The following ZBTB44 variants were observed in gnomAD, a reference collection of about 807,000 sequenced individuals.
The protein encoded by ZBTB44 is zinc finger and BTB domain containing 44, also known as zinc finger and BTB domain-containing protein 44.
A neutral mutation model predicts 54.0 loss-of-function variants in ZBTB44; 15 were observed. That is an observed-to-expected ratio of 0.28 (90% CI 0.19 to 0.43). ZBTB44 has a LOEUF of 0.43. Ranked by LOEUF, ZBTB44 falls within the 20% of genes least tolerant of loss-of-function variation. ZBTB44 has a pLI of 1.00. For synonymous variants in ZBTB44, 230 were observed against 250.1 expected, an observed-to-expected ratio of 0.92 and a Z score of 0.76; for missense variants, 487 against 707.1, an observed-to-expected ratio of 0.69 and a Z score of 3.53.
intron 1 of ZBTB44, among the ~76,000 whole-genome samples, chr11:130,299,837 G>A (rs1941895667): frequency 6.6e-6 from 1 of 152,148 alleles, no homozygotes; most frequent in African/African-American, 2.4e-5. Context: ...GTGAAAGCAA[G>A]GACACACCAG....
intron 1 of ZBTB44, among the ~76,000 whole-genome samples, chr11:130,276,053 C>T (rs904398477): frequency 6.6e-6 from 1 of 151,110 alleles, no homozygotes; most frequent in Non-Finnish European, 1.5e-5. Context: ...CGGTGAAACC[C>T]CGTCTCTACT....
rs1385858136 is a variant in ZBTB44 at position 130,261,259 on chromosome 11, G to A, written c.615C>T (p.Pro205=). The A allele has an allele frequency of 3.7e-6, 6 of 1,613,868 alleles. No individual in the cohort carries two copies. Among genetic ancestry groups the A allele is most frequent in the Middle Eastern group, 1.6e-4 (1 of 6,062 alleles). ...PVKCGTQTSS[P]QVLNSSASYS... ...AGGAAGCTGAAGAATTCAATACCTG[G>A]GGTGAGCTTGTTTGTGTGCCACACT... is the stretch of plus-strand genomic sequence containing the variant. Residue 205 remains proline (P), a synonymous_variant, in exon 2 of 8, where the codon CCC becomes CCT. Transcript: ENST00000357899. This position sits in a 1 kb window ranked among gnomAD's most constrained non-coding sequence, Gnocchi z 4.8.
chr11:130,237,014 A>G lies in ZBTB44; in HGVS notation c.1347T>C (p.His449=), dbSNP rs1297517546. 6.2e-7 allele frequency: 1 copy of G among 1,611,930 alleles called. No homozygotes were observed. The highest frequency in any genetic ancestry group is 8.5e-7 in the Non-Finnish European group (1 of 1,179,062). The change falls in exon 5 of 8, where the codon CAT becomes CAC. Residue 449 remains histidine, a synonymous_variant. Coordinates refer to ENST00000357899, the MANE Select transcript of ZBTB44 (RefSeq NM_001301098.2). ...AYSLKMHRLK[H]EGKRCFRCQI... ...GGCACCGGAAACAGCGTTTACCTTCATGCTTTAGGCGATGCATCTTTAGCG... is the reference window on the plus strand; with the variant it reads ...GGCACCGGAAACAGCGTTTACCTTCGTGCTTTAGGCGATGCATCTTTAGCG...
At chr11:130,236,009 G>A (rs1038026750) in intron 5 of ZBTB44, 1 of 876,658 alleles carries the variant, frequency 1.1e-6, no homozygotes, top group Middle Eastern at 4.3e-4. Context: ...TTCATTTTAT[G>A]AGAAACTAAG....
intron 6 of ZBTB44, 154 bp downstream of exon 6, chr11:130,234,002 T>G: frequency 3.3e-6 from 5 of 1,511,546 alleles, no homozygotes; most frequent in Non-Finnish European, 4.4e-6. Flanking sequence ...TACTCAATAG[T>G]TATAGAAGAC....
At chr11:130,254,929 A>C (rs1437376031) in intron 2 of ZBTB44, among the ~76,000 whole-genome samples, 1 of 152,138 alleles carries the variant, frequency 6.6e-6, no homozygotes, top group Non-Finnish European at 1.5e-5. Flanking sequence ...TTGCAGGGAC[A>C]TGGATGAAGC....
chr11:130,251,719 C>T (rs571808701), intron 2 of ZBTB44, among the ~76,000 whole-genome samples: 1 of 152,148 alleles, frequency 6.6e-6, no homozygotes, highest in East Asian at 1.9e-4. Context: ...CAAGCAAATG[C>T]TGAGGGATTT....
intron 1 of ZBTB44, among the ~76,000 whole-genome samples, chr11:130,269,582 A>G (rs1939522610): frequency 6.6e-6 from 1 of 152,224 alleles, no homozygotes; most frequent in African/African-American, 2.4e-5. Flanking sequence ...GCTAAACAAC[A>G]TATAATTTAA....
rs966126935 is a variant in ZBTB44, at chr11:130,238,679, T to G, written c.1104-72A>C. 4 of 1,356,938 alleles carry G rather than the reference T, an allele frequency of 2.9e-6. No individual in the cohort carries two copies. The African/African-American group carries it at 6.0e-5, about 20-fold the overall frequency. The allele number at this position is 1,356,938 out of a possible 1,614,324, so 84.1% of individuals were successfully genotyped here. On this transcript the variant is annotated intron_variant, in intron 3 of 7. Transcript: ENST00000357899. ...CTGAATAAACACTGCTATAGGTCAA[T>G]TTTAAATGAAAAAAGATAAAACACT... is the stretch of plus-strand genomic sequence containing the variant.
At chr11:130,296,258 A>T in intron 1 of ZBTB44, 1 of 1,433,720 alleles carries the variant, frequency 7.0e-7, no homozygotes, top group Non-Finnish European at 9.6e-7. Context: ...TTGAGCAGGG[A>T]TATGTTGTTT....
intron 1 of ZBTB44, among the ~76,000 whole-genome samples, chr11:130,263,974 A>G (rs574774707): frequency 6.6e-6 from 1 of 152,332 alleles, no homozygotes; most frequent in South Asian, 2.1e-4. Flanking sequence ...TATGCCTACT[A>G]TCTCCCAACA....
chr11:130,237,155 A>G (rs1453470754), intron 4 of ZBTB44, 62 bp from the exon 5 acceptor site: 1 of 1,378,484 alleles, frequency 7.3e-7, no homozygotes, highest in Non-Finnish European at 9.5e-7. Flanking sequence ...CATAAACCCT[A>G]CAAATTTCTG....
At chr11:130,286,374 TA>T (rs546413620) in intron 1 of ZBTB44, among the ~76,000 whole-genome samples, 1 of 151,960 alleles carries the variant, frequency 6.6e-6, no homozygotes, top group Non-Finnish European at 1.5e-5. Context: ...ACAATAAACT[TA>T]AAAAAAATCT....
At chr11:130,299,037 C>T (rs111693844) in intron 1 of ZBTB44, among the ~76,000 whole-genome samples, 5,565 of 151,918 alleles carry the variant, frequency 0.037, 152 homozygotes, top group Non-Finnish European at 0.057. Flanking sequence ...GAGCCAAGAT[C>T]GATCCACTGC....
At chr11:130,242,017 T>C (rs560890541) in intron 2 of ZBTB44, among the ~76,000 whole-genome samples, 1 of 152,358 alleles carries the variant, frequency 6.6e-6, no homozygotes, top group East Asian at 1.9e-4. Context: ...AATCTTGCTA[T>C]CAAGTAGAGA....
intron 1 of ZBTB44, among the ~76,000 whole-genome samples, chr11:130,274,522 G>C (rs1939916324): frequency 6.6e-6 from 1 of 152,106 alleles, no homozygotes; most frequent in East Asian, 1.9e-4. Flanking sequence ...TTCAGGTTAA[G>C]GAAACTCTTC....
rs1816877677 is a variant in ZBTB44, at chr11:130,230,634, T to C, written c.*1130A>G. The C allele has an allele frequency of 6.6e-6, 1 of 151,136 alleles. No homozygotes were observed. The highest frequency in any genetic ancestry group is 6.6e-5 in the Admixed American group (1 of 15,166). 9.4% of individuals were successfully genotyped at this position (151,136 alleles called of 1,614,324 possible). A position where few individuals can be genotyped will look rare whatever the true frequency, so the allele number is the denominator to read the frequency against. ...TAACTAATTACTTGAAATAAAAAGATTACTTGAAATTCAAATTAAGAAAAA... is the reference window on the plus strand; with the variant it reads ...TAACTAATTACTTGAAATAAAAAGACTACTTGAAATTCAAATTAAGAAAAA... On this transcript the variant is annotated 3_prime_UTR_variant, in exon 8 of 8. Coordinates refer to ENST00000357899, the MANE Select transcript of ZBTB44 (RefSeq NM_001301098.2).
intron 7 of ZBTB44, chr11:130,233,047 A>T: frequency 2.6e-6 from 1 of 380,036 alleles, no homozygotes; most frequent in Non-Finnish European, 4.6e-6. Flanking sequence ...TCAATAGAGA[A>T]TTATTTATTA....
In ZBTB44 at chr11:130,231,224, G is replaced by A. The variant is rs951898685; in HGVS notation, c.*540C>T. 2.0e-5 allele frequency: 3 copies of A among 151,942 alleles called. No homozygotes were observed. Among genetic ancestry groups the A allele is most frequent in the Non-Finnish European group, 4.4e-5 (3 of 67,946 alleles). 9.4% of individuals were successfully genotyped at this position (151,942 alleles called of 1,614,324 possible). A position where few individuals can be genotyped will look rare whatever the true frequency, so the allele number is the denominator to read the frequency against. On this transcript the variant is annotated 3_prime_UTR_variant, in exon 8 of 8. Coordinates refer to ENST00000357899, the MANE Select transcript of ZBTB44 (RefSeq NM_001301098.2). ...ACTACTATATATACAATTATCCCTT[G>A]CAAATCTGTTTCCTAAAACAGATCC...
Sources: gnomAD v4.1 joint callset for allele counts (sites outside exome capture counted in the v4.1 genomes callset) on GRCh38, gnomAD v4.1.1 for gene constraint, Gnocchi (gnomAD v3.1) non-coding constraint, MANE v1.5 for transcripts, NCBI Gene and HGNC (gene_info 2026-07-23, HGNC 2026-07-21) for gene names.